ENTPD7: variants seen among roughly 807,000 people sequenced by gnomAD.
ENTPD7 encodes the protein NTPDase 7.
Under a neutral mutation model 77.9 loss-of-function variants are expected in ENTPD7, and 53 were observed. The observed-to-expected ratio is 0.68, with a 90% CI of 0.55 to 0.85. ENTPD7 has a LOEUF of 0.85. Ranked by LOEUF, ENTPD7 falls within the 40% of genes least tolerant of loss-of-function variation. ENTPD7 has a pLI of 0.00. For missense variants in ENTPD7, 636 were observed against 743.7 expected (o/e 0.86, Z 1.68); for synonymous variants, 248 against 274.9 (o/e 0.90, Z 0.97).
chr10:99,688,829 G>A (rs1260541836), intron 7 of ENTPD7, 79 bp downstream of exon 7: 2 of 1,375,564 alleles, frequency 1.5e-6, no homozygotes, highest in Non-Finnish European at 2.0e-6. Flanking sequence ...GCATGTAAAT[G>A]CAAATTTTGA....
chr10:99,683,389 AT>A (rs1452788883), intron 5 of ENTPD7, among the ~76,000 whole-genome samples: 1 of 152,152 alleles, frequency 6.6e-6, no homozygotes, highest in Admixed American at 6.5e-5. Context: ...GACTAACAGA[AT>A]TTTTTCTACC....
At position 99,670,010 on chromosome 10, in the gene ENTPD7, A is replaced by G. The variant is rs537847548; in HGVS notation, c.191+8382A>G. Reference sequence around the variant, plus strand: ...ATGATCCACCCGCCTCGGCCTCCCAAAGTGCTGGGATTACAGGCGTGAGTC... The same window carrying G: ...ATGATCCACCCGCCTCGGCCTCCCAGAGTGCTGGGATTACAGGCGTGAGTC... On this transcript the variant is annotated intron_variant, in intron 3 of 12. Transcript: ENST00000370489. Among the ~76,000 whole-genome samples the G allele has an allele frequency of 1.4e-3, 219 of 152,096 alleles. 1 individual carries two copies. Among genetic ancestry groups the G allele is most frequent in the African/African-American group, 5.2e-3 (215 of 41,484 alleles).
chr10:99,661,356 T>A, intron 2 of ENTPD7, 90 bp from the exon 3 acceptor site: 1 of 1,205,264 alleles, frequency 8.3e-7, no homozygotes, highest in Non-Finnish European at 1.1e-6. Context: ...TTTTTGCCTT[T>A]ATTAGGAGGG....
At chr10:99,687,259 C>CTTTTTTTTTTTTTTTTTTTT (rs71009768) in intron 6 of ENTPD7, among the ~76,000 whole-genome samples, 2 of 29,522 alleles carry the variant, frequency 6.8e-5, no homozygotes, top group African/African-American at 1.4e-4. Flanking sequence ...TTCTTTCTTT[C>CTTTTTTTTTTTTTTTTTTTT]TTTTTTTTTT....
intron 5 of ENTPD7, among the ~76,000 whole-genome samples, chr10:99,681,615 GT>G (rs2035755026): frequency 6.6e-6 from 1 of 152,092 alleles, no homozygotes; most frequent in African/African-American, 2.4e-5. Context: ...CCTCCATACT[GT>G]TTTGCAGAGC....
chr10:99,661,679 T>C, intron 3 of ENTPD7, 51 bp downstream of exon 3: 9 of 1,485,904 alleles, frequency 6.1e-6, no homozygotes, highest in Non-Finnish European at 8.2e-6. Flanking sequence ...TTTCATAAGC[T>C]GTTTAACACA....
intron 8 of ENTPD7, among the ~76,000 whole-genome samples, chr10:99,694,352 G>C (rs191313235): frequency 6.6e-6 from 1 of 152,204 alleles, no homozygotes; most frequent in African/African-American, 2.4e-5. Context: ...CAGCCATCTC[G>C]TGGTATGGGT....
Position 99,710,673 on chromosome 10 carries a change from A to T in ENTPD7, c.*5990A>T. 1.0e-6 allele frequency: 1 copy of T among 985,450 alleles called. No homozygotes were observed. Among genetic ancestry groups the T allele is most frequent in the Non-Finnish European group, 1.2e-6 (1 of 829,920 alleles). The allele number at this position is 985,450 out of a possible 1,614,324, so 61.0% of individuals were successfully genotyped here. On this transcript the variant is annotated 3_prime_UTR_variant, in exon 13 of 13. Coordinates refer to ENST00000370489, the MANE Select transcript of ENTPD7 (RefSeq NM_020354.5). ...AGGGACATGGGTATATGTGTTACATATGCTGATATATAACCCACCATTCAT... is the reference window on the plus strand; with the variant it reads ...AGGGACATGGGTATATGTGTTACATTTGCTGATATATAACCCACCATTCAT...
intron 11 of ENTPD7, among the ~76,000 whole-genome samples, chr10:99,701,894 A>G (rs920513945): frequency 1.3e-5 from 2 of 151,860 alleles, no homozygotes; most frequent in African/African-American, 4.8e-5. Context: ...CTAAAAATAC[A>G]AAAATTAGCA....
rs1002796420 is a variant in ENTPD7 at position 99,707,864 on chromosome 10, A to G, written c.*3181A>G. On this transcript the variant is annotated 3_prime_UTR_variant, in exon 13 of 13. Coordinates refer to ENST00000370489, the MANE Select transcript of ENTPD7 (RefSeq NM_020354.5). ...AAATTATACCATTTTTTCTCTCTGTACTTTAGCTCCTTGAATTTCCTTAAT... is the reference window on the plus strand; with the variant it reads ...AAATTATACCATTTTTTCTCTCTGTGCTTTAGCTCCTTGAATTTCCTTAAT... Among the ~76,000 whole-genome samples, 2 of 152,154 alleles carry G rather than the reference A, an allele frequency of 1.3e-5. No individual in the cohort carries two copies. Among genetic ancestry groups the G allele is most frequent in the Admixed American group, 1.3e-4 (2 of 15,266 alleles).
In ENTPD7 at chr10:99,698,791, A is replaced by G; in HGVS notation, c.1268A>G (p.Tyr423Cys). Residue 423 changes from tyrosine (Y) to cysteine (C), a missense_variant, in exon 10 of 13, where the codon TAT (tyrosine) becomes TGT (cysteine). By Grantham distance (194) the Tyr-to-Cys change is radical. Around this residue, in one of 3 missense-constraint regions of ENTPD7, gnomAD observed 486 missense variants for 556.5 expected, o/e 0.87. Coordinates refer to ENST00000370489, the MANE Select transcript of ENTPD7 (RefSeq NM_020354.5). ...SEFYGFSEFFYCTEDVLRIGG... is the reference protein window; with the variant it reads ...SEFYGFSEFFCCTEDVLRIGG... ...TTCTACGGCTTCTCTGAGTTTTTTT[A>G]TTGTACAGAGGATGTGTTGCGCATT... 6.2e-7 allele frequency: 1 copy of G among 1,614,032 alleles called. No individual in the cohort carries two copies. Among genetic ancestry groups the G allele is most frequent in the South Asian group, 1.1e-5 (1 of 91,076 alleles).
intron 5 of ENTPD7, among the ~76,000 whole-genome samples, chr10:99,683,363 C>A (rs994545849): frequency 1.3e-5 from 2 of 152,074 alleles, no homozygotes; most frequent in Non-Finnish European, 2.9e-5. Flanking sequence ...GGTTTTATTT[C>A]TTTGCCAAAG....
chr10:99,701,820 G>A (rs1320896542), intron 11 of ENTPD7, among the ~76,000 whole-genome samples: 1 of 151,754 alleles, frequency 6.6e-6, no homozygotes, highest in African/African-American at 2.4e-5. Context: ...GGCTGAGGTG[G>A]GTGGATCACC....
At chr10:99,697,627 A>G (rs1006925323) in intron 9 of ENTPD7, 6 of 155,958 alleles carry the variant, frequency 3.8e-5, no homozygotes, top group Admixed American at 2.6e-4. Flanking sequence ...CTCAATAACA[A>G]TTTTCTGAGT....
rs894800483 is a variant in ENTPD7, at chr10:99,710,474, C to G, written c.*5791C>G. 3.0e-6 allele frequency: 3 copies of G among 985,248 alleles called. No homozygotes were observed. The highest frequency in any genetic ancestry group is 6.2e-5 in the Admixed American group (1 of 16,246). 61.0% of individuals were successfully genotyped at this position (985,248 alleles called of 1,614,324 possible). Reference sequence around the variant, plus strand: ...TACACTTTAAAAAACCAAAGGCTGCCTGTATTACATTGCTTTGGGGAGTTG... The same window carrying G: ...TACACTTTAAAAAACCAAAGGCTGCGTGTATTACATTGCTTTGGGGAGTTG... On this transcript the variant is annotated 3_prime_UTR_variant, in exon 13 of 13. Coordinates refer to ENST00000370489, the MANE Select transcript of ENTPD7 (RefSeq NM_020354.5).
At chr10:99,670,812 C>T (rs1434174476) in intron 3 of ENTPD7, among the ~76,000 whole-genome samples, 1 of 152,066 alleles carries the variant, frequency 6.6e-6, no homozygotes, top group Non-Finnish European at 1.5e-5. Flanking sequence ...CCCAGGAGTT[C>T]CAGACCAGCC....
chr10:99,660,237 G>C, intron 2 of ENTPD7: 1 of 873,932 alleles, frequency 1.1e-6, no homozygotes, highest in Non-Finnish European at 1.4e-6. Context: ...ATTCGCATCT[G>C]AGCAAGGCTA....
At chr10:99,692,612 G>A (rs11813439) in intron 8 of ENTPD7, among the ~76,000 whole-genome samples, 4,828 of 151,694 alleles carry the variant, frequency 0.032, 233 homozygotes, top group African/African-American at 0.11. Flanking sequence ...AGAAAAAGCA[G>A]CACAGAGGCC....
At position 99,687,259 on chromosome 10, in the gene ENTPD7, C is replaced by CTTTCTTTCTTTT. The variant is rs1223628237; in HGVS notation, c.652+1367_652+1368insCTTTCTTTTTTT. On this transcript the variant is annotated intron_variant, in intron 6 of 12. Transcript: ENST00000370489. Reference sequence around the variant, plus strand: ...TTTTCTTTTCTTTCTTTCTTTCTTTCTTTTTTTTTTTTTTTTTTTTTTTTT... The same window carrying CTTTCTTTCTTTT: ...TTTTCTTTTCTTTCTTTCTTTCTTTCTTTCTTTCTTTTTTTTTTTTTTTTTTTTTTTTTTTTT... Among the ~76,000 whole-genome samples, 7 of 29,526 alleles carry CTTTCTTTCTTTT rather than the reference C, an allele frequency of 2.4e-4. No homozygotes were observed. In the East Asian group the frequency reaches 4.0e-3, roughly 17 times the overall value. The allele number at this position is 29,526 out of a possible 152,430, so 19.4% of individuals were successfully genotyped here. A position where few individuals can be genotyped will look rare whatever the true frequency, so the allele number is the denominator to read the frequency against.
Sources: gnomAD v4.1 joint callset for allele counts (sites outside exome capture counted in the v4.1 genomes callset) on GRCh38, gnomAD v4.1.1 for gene constraint, gnomAD v4.1.1 regional missense constraint, MANE v1.5 for transcripts, NCBI Gene and HGNC (gene_info 2026-07-23, HGNC 2026-07-21) for gene names.